Variants in PLCL1 observed in about 807,000 individuals in gnomAD.
PLCL1 encodes inactive phospholipase C-like protein 1.
Under a neutral mutation model 84.4 loss-of-function variants are expected in PLCL1, and 41 were observed. The observed-to-expected ratio is 0.49, with a 90% CI of 0.38 to 0.63. The LOEUF (loss-of-function observed/expected upper bound fraction) is 0.63, where lower values mean the gene tolerates loss of function less well. Among genes scored for constraint, PLCL1 ranks in the 30% least tolerant of loss-of-function variants. The probability of loss-of-function intolerance (pLI) is 0.00; values close to 1 mark genes in which losing one functional copy is unlikely to be tolerated. For missense variants in PLCL1, 1,206 were observed against 1,367.8 expected, an observed-to-expected ratio of 0.88 and a Z score of 1.87; for synonymous variants, 490 against 488.3, an observed-to-expected ratio of 1.00 and a Z score of -0.05.
chr2:197,989,932 T>C (rs1490221529), intron 1 of PLCL1, among the ~76,000 whole-genome samples: 5 of 152,132 alleles, frequency 3.3e-5, no homozygotes, highest in Non-Finnish European at 7.3e-5. Flanking sequence ...AATATACAAA[T>C]GAAGGAAAAT....
At chr2:198,131,910 A>G (rs1694129437) in intron 5 of PLCL1, among the ~76,000 whole-genome samples, 1 of 152,200 alleles carries the variant, frequency 6.6e-6, no homozygotes, top group Non-Finnish European at 1.5e-5. Context: ...GGGCAGCCTC[A>G]TGGAATCTCA....
chr2:198,104,645 A>G (rs1014279900), intron 5 of PLCL1, among the ~76,000 whole-genome samples: 1 of 152,064 alleles, frequency 6.6e-6, no homozygotes, highest in Non-Finnish European at 1.5e-5. Flanking sequence ...GAATGAATTT[A>G]CATTCCCACC....
At chr2:197,894,719 T>C (rs1344465853) in intron 1 of PLCL1, among the ~76,000 whole-genome samples, 2 of 152,000 alleles carry the variant, frequency 1.3e-5, no homozygotes, top group Non-Finnish European at 2.9e-5. Context: ...AAAAACCTAT[T>C]CATGAGTGTA....
intron 1 of PLCL1, among the ~76,000 whole-genome samples, chr2:198,076,285 G>C (rs1692575646): frequency 6.6e-6 from 1 of 152,036 alleles, no homozygotes; most frequent in Admixed American, 6.6e-5. Flanking sequence ...AGGGTCACTG[G>C]CTGCCCATAT....
chr2:197,806,405 C>T (rs1386834071), intron 1 of PLCL1, among the ~76,000 whole-genome samples: 1 of 152,164 alleles, frequency 6.6e-6, no homozygotes, highest in Admixed American at 6.5e-5. Flanking sequence ...GGTTAAGCTG[C>T]GTAACCAGTG....
chr2:197,929,711 T>C (rs2105764083), intron 1 of PLCL1, among the ~76,000 whole-genome samples: 1 of 152,306 alleles, frequency 6.6e-6, no homozygotes, highest in Admixed American at 6.5e-5. Flanking sequence ...CAGGTATGAA[T>C]TCTAATGAGA....
chr2:197,962,861 A>G (rs1689651808), intron 1 of PLCL1, among the ~76,000 whole-genome samples: 3 of 152,050 alleles, frequency 2.0e-5, no homozygotes, highest in African/African-American at 4.8e-5. Flanking sequence ...CTGACTTAAC[A>G]TAATGCCCTC....
chr2:197,897,178 TTC>T (rs1156786939), intron 1 of PLCL1, among the ~76,000 whole-genome samples: 2,989 of 31,142 alleles, frequency 0.096, 110 homozygotes, highest in African/African-American at 0.16. Flanking sequence ...CTTCTTCTTC[TTC>T]TTCTTCTTCT....
rs777800650 is a variant in PLCL1, at chr2:198,103,898, G to T, written c.3067G>T (p.Ala1023Ser). 6.8e-6 allele frequency: 11 copies of T among 1,606,648 alleles called. No homozygotes were observed. The highest frequency in any genetic ancestry group is 9.4e-6 in the Non-Finnish European group (11 of 1,175,686). Residue 1023 changes from alanine to serine, a missense_variant, in exon 5 of 6, where the codon GCA becomes TCA. Transcript: ENST00000428675. ...CTTGAAGGGAAGAAAACTCAACAAA[G>T]CAACTGAGAGCTTTGCTTGGAACAT... The part of the protein sequence containing the change: ...EGLKGRKLNK[A>S]TESFAWNITV...
intron 5 of PLCL1, among the ~76,000 whole-genome samples, chr2:198,124,968 G>T (rs1025120696): frequency 6.6e-6 from 1 of 152,050 alleles, no homozygotes; most frequent in Non-Finnish European, 1.5e-5. Flanking sequence ...TTCCTCAGGG[G>T]CATTCGTCAC....
chr2:198,134,253 G>A (rs918600730), intron 5 of PLCL1, among the ~76,000 whole-genome samples: 1 of 152,050 alleles, frequency 6.6e-6, no homozygotes, highest in African/African-American at 2.4e-5. Flanking sequence ...GACTTTCCTT[G>A]CAGTAACATT....
At chr2:198,129,345 C>A (rs1414492775) in intron 5 of PLCL1, among the ~76,000 whole-genome samples, 1 of 152,172 alleles carries the variant, frequency 6.6e-6, no homozygotes, top group Non-Finnish European at 1.5e-5. Context: ...TGGTCTCCAA[C>A]AACACCCCTT....
chr2:197,874,620 C>T (rs1687703787), intron 1 of PLCL1, among the ~76,000 whole-genome samples: 1 of 152,020 alleles, frequency 6.6e-6, no homozygotes, highest in Admixed American at 6.5e-5. Flanking sequence ...TGAAAAAGCA[C>T]AAATTAAATA....
At chr2:197,810,226 G>C in intron 1 of PLCL1, 1 of 956,066 alleles carries the variant, frequency 1.0e-6, no homozygotes, top group Non-Finnish European at 1.4e-6. Context: ...TAGTAACATG[G>C]TCACATTTCA....
At chr2:197,887,512 T>C (rs1687944510) in intron 1 of PLCL1, among the ~76,000 whole-genome samples, 1 of 152,194 alleles carries the variant, frequency 6.6e-6, no homozygotes, top group Non-Finnish European at 1.5e-5. Context: ...ACACATGCAC[T>C]CCCCACTGAT....
intron 1 of PLCL1, among the ~76,000 whole-genome samples, chr2:198,001,780 C>G (rs144716986): frequency 6.6e-6 from 1 of 152,224 alleles, no homozygotes; most frequent in Non-Finnish European, 1.5e-5. Context: ...AGTCACTCCC[C>G]ATCACTCACA....
chr2:198,119,994 G>A (rs184026132), intron 5 of PLCL1, among the ~76,000 whole-genome samples: 140 of 152,102 alleles, frequency 9.2e-4, no homozygotes, highest in Non-Finnish European at 8.8e-5. Context: ...AGATGCCTGT[G>A]TACCAAAGCT....
chr2:198,104,472 G>A (rs1201246223), intron 5 of PLCL1, among the ~76,000 whole-genome samples: 1 of 151,896 alleles, frequency 6.6e-6, no homozygotes, highest in Non-Finnish European at 1.5e-5. Flanking sequence ...TCCATGCTTT[G>A]CTATTGTGAA....
intron 5 of PLCL1, among the ~76,000 whole-genome samples, chr2:198,140,591 G>GTTT (rs1304714815): frequency 1.3e-5 from 2 of 152,048 alleles, no homozygotes; most frequent in Non-Finnish European, 2.9e-5. Flanking sequence ...AAGAAATGTG[G>GTTT]TAAAAGAAGA....
Sources: allele counts gnomAD v4.1 joint callset (sites outside exome capture counted in the v4.1 genomes callset), GRCh38; gene constraint gnomAD v4.1.1; transcripts MANE v1.5; gene names NCBI Gene and HGNC (gene_info 2026-07-23, HGNC 2026-07-21).